ZNF385D: variants seen among roughly 807,000 people sequenced by gnomAD.
ZNF385D encodes zinc finger protein 385D.
Under a neutral mutation model 35.8 loss-of-function variants are expected in ZNF385D, and 15 were observed. The ratio of observed to expected loss-of-function variants is 0.42; its 90% CI spans 0.28 to 0.64. The LOEUF (loss-of-function observed/expected upper bound fraction) is 0.64. Ranked by LOEUF, ZNF385D falls within the 30% of genes least tolerant of loss-of-function variation. The probability of loss-of-function intolerance (pLI) is 0.23; values close to 1 mark genes in which losing one functional copy is unlikely to be tolerated. For missense variants in ZNF385D, 474 were observed against 494.6 expected, an observed-to-expected ratio of 0.96 and a Z score of 0.39; for synonymous variants, 212 against 186.8, an observed-to-expected ratio of 1.13 and a Z score of -1.10.
intron 3 of ZNF385D, chr3:21,877,891 C>T (rs916822464): frequency 4.0e-5 from 6 of 151,892 alleles, no homozygotes; most frequent in Non-Finnish European, 8.8e-5. Flanking sequence ...TGAACTTCTT[C>T]AATACATCTG....
chr3:22,354,826 G>C (rs940930415), intron 2 of ZNF385D, among the ~76,000 whole-genome samples: 1 of 151,976 alleles, frequency 6.6e-6, no homozygotes, highest in Non-Finnish European at 1.5e-5. Context: ...TTAATATGGT[G>C]TTGCGGTTAT....
chr3:21,722,072 C>A (rs2125451471), intron 1 of ZNF385D, among the ~76,000 whole-genome samples: 1 of 137,214 alleles, frequency 7.3e-6, no homozygotes, highest in Non-Finnish European at 1.5e-5. Flanking sequence ...TGCACTCCAA[C>A]TTTGGAGACA....
At chr3:21,946,627 T>A (rs1047677793) in intron 3 of ZNF385D, among the ~76,000 whole-genome samples, 1 of 151,906 alleles carries the variant, frequency 6.6e-6, no homozygotes, top group Non-Finnish European at 1.5e-5. Flanking sequence ...AGCTCAGGAG[T>A]TGGAGACCAG....
intron 3 of ZNF385D, among the ~76,000 whole-genome samples, chr3:21,764,546 T>C (rs17009464): frequency 0.079 from 11,988 of 152,240 alleles, 641 homozygotes; most frequent in South Asian, 0.17. Context: ...CAATGAAACA[T>C]AGCAAGCAAG....
chr3:22,039,165 G>A (rs1424324206), intron 3 of ZNF385D, among the ~76,000 whole-genome samples: 1 of 149,866 alleles, frequency 6.7e-6, no homozygotes, highest in Admixed American at 6.7e-5. Context: ...AAACCTCTAA[G>A]GATGTCCATT....
At chr3:22,227,671 G>A (rs368202929) in intron 2 of ZNF385D, among the ~76,000 whole-genome samples, 1 of 152,084 alleles carries the variant, frequency 6.6e-6, no homozygotes, top group African/African-American at 2.4e-5. Flanking sequence ...CGTAAGACAT[G>A]CCCACCAGTG....
At chr3:21,651,554 A>G (rs1197410232) in intron 2 of ZNF385D, among the ~76,000 whole-genome samples, 2 of 149,132 alleles carry the variant, frequency 1.3e-5, no homozygotes, top group African/African-American at 2.5e-5. Flanking sequence ...TTTGGTAGTG[A>G]CGGTGGTGAA....
chr3:22,314,096 T>G (rs557372825), intron 2 of ZNF385D, among the ~76,000 whole-genome samples: 225 of 152,282 alleles, frequency 1.5e-3, no homozygotes, highest in African/African-American at 4.8e-3. Context: ...AAAGACACTT[T>G]ACTTTTTTAA....
chr3:21,461,393 T>G (rs964376840), intron 4 of ZNF385D, among the ~76,000 whole-genome samples: 2 of 151,962 alleles, frequency 1.3e-5, no homozygotes, highest in African/African-American at 2.4e-5. Flanking sequence ...ACTAAAAATA[T>G]GAAAATTAGC....
intron 3 of ZNF385D, among the ~76,000 whole-genome samples, chr3:21,946,938 C>T (rs992540113): frequency 1.3e-5 from 2 of 152,138 alleles, no homozygotes; most frequent in African/African-American, 2.4e-5. Context: ...GCAGATCTAC[C>T]ATAATTATTT....
At chr3:21,760,214 AAGTGTC>A (rs1173100820) in intron 3 of ZNF385D, among the ~76,000 whole-genome samples, 2 of 152,138 alleles carry the variant, frequency 1.3e-5, no homozygotes, top group African/African-American at 4.8e-5. Context: ...CTTGACTCAA[AAGTGTC>A]AGTTCTGGAA....
chr3:21,566,815 A>G (rs1326330536), intron 2 of ZNF385D, among the ~76,000 whole-genome samples: 1 of 152,180 alleles, frequency 6.6e-6, no homozygotes, highest in African/African-American at 2.4e-5. Flanking sequence ...CTATCTGGAC[A>G]AGTTCCCTCT....
intron 1 of ZNF385D, among the ~76,000 whole-genome samples, chr3:21,719,250 G>T (rs938922217): frequency 2.6e-5 from 4 of 152,180 alleles, no homozygotes; most frequent in African/African-American, 7.2e-5. Flanking sequence ...ATCCCAGGTG[G>T]TCACGTTATG....
chr3:21,517,777 A>C (rs779153427), intron 3 of ZNF385D, among the ~76,000 whole-genome samples: 1 of 152,214 alleles, frequency 6.6e-6, no homozygotes, highest in Non-Finnish European at 1.5e-5. Context: ...TTGGAATATC[A>C]GTTTTGTATA....
At chr3:21,800,944 C>T (rs2072371435) in intron 3 of ZNF385D, among the ~76,000 whole-genome samples, 1 of 152,016 alleles carries the variant, frequency 6.6e-6, no homozygotes. Context: ...AAAGCTCTTA[C>T]TCTTTCACCA....
intron 3 of ZNF385D, among the ~76,000 whole-genome samples, chr3:22,039,738 A>C (rs912838749): frequency 6.6e-6 from 1 of 152,174 alleles, no homozygotes; most frequent in Non-Finnish European, 1.5e-5. Context: ...TTATAACTAA[A>C]TAACTATTGC....
chr3:21,860,087 A>G (rs972181947), intron 3 of ZNF385D, among the ~76,000 whole-genome samples: 4 of 152,172 alleles, frequency 2.6e-5, no homozygotes, highest in African/African-American at 9.6e-5. Context: ...TTAAAAAAGT[A>G]CAAAATTAGG....
At chr3:21,625,378 T>G (rs1050350608) in intron 2 of ZNF385D, among the ~76,000 whole-genome samples, 10 of 152,036 alleles carry the variant, frequency 6.6e-5, no homozygotes, top group African/African-American at 2.4e-4. Flanking sequence ...AAGTGGAAAG[T>G]TCCTAAACCA....
At chr3:22,135,816 A>C (rs1424732897) in intron 3 of ZNF385D, among the ~76,000 whole-genome samples, 1 of 152,192 alleles carries the variant, frequency 6.6e-6, no homozygotes, top group Non-Finnish European at 1.5e-5. Context: ...AGAGTCCAGA[A>C]ATTGACCCAC....
Sources: gnomAD v4.1 joint callset for allele counts (sites outside exome capture counted in the v4.1 genomes callset) on GRCh38, gnomAD v4.1.1 for gene constraint, MANE v1.5 for transcripts, NCBI Gene and HGNC (gene_info 2026-07-23, HGNC 2026-07-21) for gene names.